SYNE2: variants seen among roughly 807,000 people sequenced by gnomAD.
SYNE2 encodes the protein nesprin-2.
In SYNE2, 431 loss-of-function variants were observed where a neutral mutation model predicts 856.3. That is an observed-to-expected ratio of 0.50 (90% CI 0.47 to 0.55). SYNE2 has a LOEUF of 0.55. Ranked by LOEUF, SYNE2 falls within the 20% of genes least tolerant of loss-of-function variation. The pLI, the probability that SYNE2 is intolerant of heterozygous loss-of-function variation, is 0.00. For missense variants in SYNE2, 8,129 were observed against 8,023.2 expected (o/e 1.01, Z -0.50); for synonymous variants, 2,923 against 2,872.3 (o/e 1.02, Z -0.56).
At chr14:64,184,588 CTGTT>C (rs1190833424) in intron 96 of SYNE2, among the ~76,000 whole-genome samples, 5 of 152,178 alleles carry the variant, frequency 3.3e-5, no homozygotes, top group East Asian at 1.9e-4. Context: ...CTGGGAAACT[CTGTT>C]TGAAGCTCAG....
At chr14:64,120,782 A>G (rs1428464592) in intron 67 of SYNE2, 145 bp from the exon 68 acceptor site, 6 of 831,930 alleles carry the variant, frequency 7.2e-6, no homozygotes, top group Non-Finnish European at 1.1e-5. Context: ...AAAACAAAAA[A>G]TTATAGTATA....
In SYNE2 at chr14:63,976,592, T is replaced by C. The variant is rs770075474; in HGVS notation, c.1158T>C (p.Tyr386=). 3.1e-6 allele frequency: 5 copies of C among 1,611,794 alleles called. No individual in the cohort carries two copies. The highest frequency in any genetic ancestry group is 3.4e-6 in the Non-Finnish European group (4 of 1,179,442). Reference sequence around the variant, plus strand: ...ATGCATGGAAAATAAAGCTAAATTATGCCTTGCCCCCACCCCTCCATCAAA... The same window carrying C: ...ATGCATGGAAAATAAAGCTAAATTACGCCTTGCCCCCACCCCTCCATCAAA... ...QINAWKIKLN[Y]ALPPPLHQTE... is the part of the protein sequence containing the mutation. Residue 386 remains tyrosine, a synonymous_variant, in exon 12 of 116, where the codon TAT becomes TAC. Coordinates refer to ENST00000555002, the MANE Select transcript of SYNE2 (RefSeq NM_182914.3).
At chr14:63,916,065 C>CT (rs1262020543) in intron 2 of SYNE2, among the ~76,000 whole-genome samples, 1 of 150,066 alleles carries the variant, frequency 6.7e-6, no homozygotes, top group Non-Finnish European at 1.5e-5. Flanking sequence ...TCTAGATGTG[C>CT]TTTTGCTTGT....
intron 1 of SYNE2, among the ~76,000 whole-genome samples, chr14:63,875,257 G>A (rs1248847452): frequency 6.6e-6 from 1 of 152,002 alleles, no homozygotes; most frequent in East Asian, 1.9e-4. Flanking sequence ...ATTTTAGCAG[G>A]ATAATTTTTA....
intron 46 of SYNE2, 35 bp downstream of exon 46, chr14:64,048,190 C>T (rs747785815): frequency 1.2e-6 from 2 of 1,602,734 alleles, no homozygotes; most frequent in African/African-American, 2.7e-5. Flanking sequence ...AACATGATTG[C>T]ATCATTTATC....
chr14:63,939,653 C>T (rs1011147114), intron 2 of SYNE2, among the ~76,000 whole-genome samples: 1 of 152,196 alleles, frequency 6.6e-6, no homozygotes, highest in South Asian at 2.1e-4. Context: ...CGACCCCTAC[C>T]TGTTTAATAA....
chr14:64,105,308 C>T (rs1231155362), intron 64 of SYNE2, among the ~76,000 whole-genome samples: 2 of 151,774 alleles, frequency 1.3e-5, no homozygotes, highest in Non-Finnish European at 2.9e-5. Flanking sequence ...AAAATGCAAA[C>T]TTAGCGTGAC....
rs150155813 is a variant in SYNE2 at position 64,174,056 on chromosome 14, C to T, written c.17236-888C>T. 2.1e-3 allele frequency: 1,187 copies of T among 571,752 alleles called. 11 individuals carry two copies. The highest frequency in any genetic ancestry group is 0.021 in the African/African-American group (1,074 of 52,166). 35.4% of individuals were successfully genotyped at this position (571,752 alleles called of 1,614,324 possible). ...AGAAAAAAATAAAAATAAACAAGAC[C>T]TTGTCTCTTAAATTTTTTTTTTTTT... On this transcript the variant is annotated intron_variant, in intron 94 of 115. Transcript: ENST00000555002.
intron 90 of SYNE2, among the ~76,000 whole-genome samples, chr14:64,166,237 A>G (rs974124799): frequency 6.6e-6 from 1 of 152,102 alleles, no homozygotes; most frequent in Non-Finnish European, 1.5e-5. Context: ...TTTCATTTAC[A>G]TATTGTCTAT....
intron 1 of SYNE2, among the ~76,000 whole-genome samples, chr14:63,895,775 C>CAAAAAAAA (rs10544076): frequency 3.8e-4 from 35 of 92,612 alleles, no homozygotes; most frequent in Middle Eastern, 5.6e-3. Flanking sequence ...TCCAAATCTC[C>CAAAAAAAA]AAAAAAAAAA....
intron 64 of SYNE2, among the ~76,000 whole-genome samples, chr14:64,104,275 A>G (rs561101999): frequency 2.0e-5 from 3 of 151,608 alleles, no homozygotes; most frequent in Non-Finnish European, 2.9e-5. Flanking sequence ...GGGAGTGACC[A>G]CCTCTTCCTT....
intron 85 of SYNE2, among the ~76,000 whole-genome samples, chr14:64,155,422 G>T (rs1427914299): frequency 6.6e-6 from 1 of 152,200 alleles, no homozygotes; most frequent in Non-Finnish European, 1.5e-5. Context: ...TATAAAGACA[G>T]AAGGCAGATT....
chr14:63,863,409 T>C (rs924586472), intron 1 of SYNE2, among the ~76,000 whole-genome samples: 6 of 152,228 alleles, frequency 3.9e-5, no homozygotes, highest in African/African-American at 1.2e-4. Flanking sequence ...GAAAAGCTGA[T>C]TGTATCACTT....
At chr14:64,222,196 ATCT>A (rs1440233620) in intron 112 of SYNE2, among the ~76,000 whole-genome samples, 1 of 152,166 alleles carries the variant, frequency 6.6e-6, no homozygotes, top group Admixed American at 6.5e-5. Flanking sequence ...TCATCCATAA[ATCT>A]GTATGTGGTT....
chr14:63,918,557 C>T (rs1799614858), intron 2 of SYNE2, among the ~76,000 whole-genome samples: 1 of 152,136 alleles, frequency 6.6e-6, no homozygotes, highest in East Asian at 1.9e-4. Context: ...GGGAGAGAGA[C>T]GTCAGATGCC....
chr14:64,146,196 A>G lies in SYNE2; in HGVS notation c.15612A>G (p.Ser5204=). The change falls in exon 84 of 116, where the codon TCA becomes TCG. Residue 5204 remains serine, a synonymous_variant. Transcript: ENST00000555002. ...KTLQKPESVI[S]VQKLLLDCQD... Reference sequence around the variant, plus strand: ...TACAAAAACCTGAAAGTGTGATCTCAGTGCAGAAGCTGCTCCTGGACTGTC... The same window carrying G: ...TACAAAAACCTGAAAGTGTGATCTCGGTGCAGAAGCTGCTCCTGGACTGTC... 2.5e-6 allele frequency: 4 copies of G among 1,611,732 alleles called. No homozygotes were observed. The South Asian group carries it at 3.3e-5, about 13-fold the overall frequency.
rs191462563 is a variant in SYNE2, at chr14:63,822,660, A to G, written c.-304-29841A>G. ...ACCTAAAAGGCCATGTGCAAGTCCA[A>G]TGCTCTGCTCATGTCTAGAATGAAT... On this transcript the variant is annotated intron_variant, in intron 1 of 23. Transcript: ENST00000674003. Among the ~76,000 whole-genome samples the G allele has an allele frequency of 3.3e-5, 5 of 152,364 alleles. No individual in the cohort carries two copies. The East Asian group carries it at 7.7e-4, about 23-fold the overall frequency.
intron 16 of SYNE2, 125 bp downstream of exon 16, chr14:63,981,298 A>G: frequency 3.6e-6 from 3 of 842,760 alleles, no homozygotes; most frequent in African/African-American, 1.7e-5. Context: ...AAATTCTTCA[A>G]GGTCTTGGAA....
rs754576817 is a variant in SYNE2, at chr14:64,052,288, A to T, written c.8375A>T (p.Lys2792Met). The change falls in exon 48 of 116, where the codon AAG becomes ATG. Residue 2792 changes from lysine to methionine, a missense_variant. Transcript: ENST00000555002. ...VESLAEEVKD[K>M]VPSLTTYEGS... ...TCGTTGGCTGAAGAGGTCAAAGATA[A>T]GGTTCCTAGCCTTACAACCTATGAG... The T allele has an allele frequency of 6.2e-7, 1 of 1,614,216 alleles. No individual in the cohort carries two copies. Among genetic ancestry groups the T allele is most frequent in the South Asian group, 1.1e-5 (1 of 91,084 alleles).
Sources: allele counts gnomAD v4.1 joint callset (sites outside exome capture counted in the v4.1 genomes callset), GRCh38; gene constraint gnomAD v4.1.1; transcripts MANE v1.5; gene names NCBI Gene and HGNC (gene_info 2026-07-23, HGNC 2026-07-21).